GRXCR1: variants seen among roughly 807,000 people sequenced by gnomAD.
The protein encoded by GRXCR1 is glutaredoxin domain-containing cysteine-rich protein 1.
GRXCR1 carries 27 observed loss-of-function variants against 27.3 expected under a neutral mutation model. The ratio of observed to expected loss-of-function variants is 0.99; its 90% CI spans 0.73 to 1.37. The LOEUF is 1.37. GRXCR1 is among the 40% of genes most tolerant of loss of function. GRXCR1 has a pLI of 0.00. For synonymous variants in GRXCR1, 122 were observed against 131.1 expected (o/e 0.93, Z 0.47); for missense variants, 379 against 354.4 (o/e 1.07, Z -0.56).
chr4:42,949,553 C>G (rs1182447382), intron 1 of GRXCR1, among the ~76,000 whole-genome samples: 1 of 152,000 alleles, frequency 6.6e-6, no homozygotes, highest in African/African-American at 2.4e-5. Context: ...TGACATTAGT[C>G]CTGTCACATA....
At position 43,014,052 on chromosome 4, in the gene GRXCR1, T is replaced by A. The variant is rs529948960; in HGVS notation, c.628-6302T>A. Among the ~76,000 whole-genome samples, 412 of 104,886 alleles carry A rather than the reference T, an allele frequency of 3.9e-3. 4 individuals carry two copies. Among genetic ancestry groups the A allele is most frequent in the African/African-American group, 0.017 (387 of 23,018 alleles). 68.8% of individuals were successfully genotyped at this position (104,886 alleles called of 152,430 possible). On this transcript the variant is annotated intron_variant, in intron 2 of 3. Coordinates refer to ENST00000399770, the MANE Select transcript of GRXCR1 (RefSeq NM_001080476.3). ...CACCCAAAGGTCTGTATTACATAAT[T>A]GCAAAAAAAAAAAAAAAAAGTCAAC...
chr4:42,926,146 T>C (rs1747152736), intron 1 of GRXCR1, among the ~76,000 whole-genome samples: 1 of 152,072 alleles, frequency 6.6e-6, no homozygotes, highest in South Asian at 2.1e-4. Context: ...GTGGCTGCAC[T>C]ATGTTGTAGG....
chr4:42,997,478 C>A (rs6813505), intron 2 of GRXCR1, among the ~76,000 whole-genome samples: 58,214 of 151,968 alleles, frequency 0.38, 11,333 homozygotes, highest in African/African-American at 0.44. Flanking sequence ...TCTTCTGAGG[C>A]TTTAACATCT....
intron 2 of GRXCR1, among the ~76,000 whole-genome samples, chr4:43,018,853 C>T (rs115221505): frequency 1.3e-3 from 193 of 152,246 alleles, no homozygotes; most frequent in Middle Eastern, 3.4e-3. Context: ...CTTTCATTAC[C>T]TTTGTTCTTA....
At chr4:42,951,922 G>A (rs537693479) in intron 1 of GRXCR1, among the ~76,000 whole-genome samples, 4 of 152,150 alleles carry the variant, frequency 2.6e-5, no homozygotes, top group Non-Finnish European at 4.4e-5. Flanking sequence ...TGCAGTTAAC[G>A]TCTAGGCTCA....
intron 1 of GRXCR1, among the ~76,000 whole-genome samples, chr4:42,956,028 A>T (rs1747995636): frequency 6.6e-6 from 1 of 152,034 alleles, no homozygotes; most frequent in African/African-American, 2.4e-5. Context: ...GGGTGACTAA[A>T]GTACTCATTG....
chr4:42,973,524 CGTTTCTT>C (rs1748435824), intron 2 of GRXCR1, among the ~76,000 whole-genome samples: 1 of 151,574 alleles, frequency 6.6e-6, no homozygotes, highest in Non-Finnish European at 1.5e-5. Context: ...CTCCAGTATT[CGTTTCTT>C]ATTCCAATAC....
At chr4:43,006,731 T>C (rs1712570243) in intron 2 of GRXCR1, among the ~76,000 whole-genome samples, 1 of 152,224 alleles carries the variant, frequency 6.6e-6, no homozygotes, top group Admixed American at 6.5e-5. Context: ...TGTGATATTC[T>C]ATTACCTTGT....
chr4:42,909,137 T>G (rs1012972359), intron 1 of GRXCR1, among the ~76,000 whole-genome samples: 12 of 152,220 alleles, frequency 7.9e-5, no homozygotes, highest in Admixed American at 2.6e-4. Context: ...CTTAGCACCC[T>G]TTCCCCAGTA....
intron 1 of GRXCR1, among the ~76,000 whole-genome samples, chr4:42,895,200 T>TA (rs1491121613): frequency 3.9e-5 from 6 of 152,064 alleles, no homozygotes; most frequent in Non-Finnish European, 5.9e-5. Context: ...ATTTTAACAC[T>TA]AGATTAGTTT....
intron 2 of GRXCR1, among the ~76,000 whole-genome samples, chr4:43,015,120 C>T (rs1236890674): frequency 6.6e-6 from 1 of 152,116 alleles, no homozygotes; most frequent in Non-Finnish European, 1.5e-5. Flanking sequence ...CATAAAATCT[C>T]ATGCAAGGAC....
chr4:42,980,985 A>G (rs1270366787), intron 2 of GRXCR1, among the ~76,000 whole-genome samples: 2 of 150,702 alleles, frequency 1.3e-5, no homozygotes, highest in African/African-American at 2.4e-5. Context: ...CCATTCAGCT[A>G]CTGTATCTTT....
chr4:42,893,520 G>T lies in GRXCR1; in HGVS notation c.254G>T (p.Arg85Met). The change falls in exon 1 of 4, where the codon AGG becomes ATG. Residue 85 changes from arginine to methionine, a missense_variant. Coordinates refer to ENST00000399770, the MANE Select transcript of GRXCR1 (RefSeq NM_001080476.3). ...NDQDSLLVLA[R>M]AASEKGFGTR... The stretch of plus-strand genomic sequence containing the variant: ...CAGGATAGCTTGCTGGTGTTAGCAA[G>T]GGCTGCCAGTGAGAAGGGTTTTGGT... The T allele has an allele frequency of 3.7e-6, 6 of 1,613,874 alleles. No individual in the cohort carries two copies. The highest frequency in any genetic ancestry group is 5.1e-6 in the Non-Finnish European group (6 of 1,179,842).
chr4:42,898,909 T>G (rs1419413852), intron 1 of GRXCR1, among the ~76,000 whole-genome samples: 1 of 152,038 alleles, frequency 6.6e-6, no homozygotes, highest in Non-Finnish European at 1.5e-5. Context: ...TTCCAAATGA[T>G]GCGAGAAACT....
chr4:42,903,150 G>GTGAGAGCTTATGAGAACTGAAACAGAC (rs1577898607), intron 1 of GRXCR1, among the ~76,000 whole-genome samples: 2 of 149,590 alleles, frequency 1.3e-5, no homozygotes, highest in Admixed American at 6.8e-5. Context: ...TAAACAGCTG[G>GTGAGAGCTTATGAGAACTGAAACAGAC]CTTTATAGTA....
chr4:43,014,042 A>G (rs565535386), intron 2 of GRXCR1, among the ~76,000 whole-genome samples: 68 of 135,650 alleles, frequency 5.0e-4, no homozygotes, highest in Non-Finnish European at 9.0e-4. Context: ...AAAGGTCTGT[A>G]TTACATAATT....
At chr4:43,029,593 C>A (rs1713357649) in intron 3 of GRXCR1, among the ~76,000 whole-genome samples, 1 of 152,154 alleles carries the variant, frequency 6.6e-6, no homozygotes, top group Non-Finnish European at 1.5e-5. Flanking sequence ...AAGTATTACT[C>A]TCAACACACT....
intron 1 of GRXCR1, among the ~76,000 whole-genome samples, chr4:42,900,218 G>A (rs1746430794): frequency 6.6e-6 from 1 of 151,874 alleles, no homozygotes. Flanking sequence ...TGCCTGGAAG[G>A]GATTTACAAA....
At chr4:42,996,747 A>T (rs1712173786) in intron 2 of GRXCR1, among the ~76,000 whole-genome samples, 1 of 152,100 alleles carries the variant, frequency 6.6e-6, no homozygotes, top group East Asian at 1.9e-4. Flanking sequence ...AACATGCAAA[A>T]TTCCATCTAT....
Sources: allele counts gnomAD v4.1 joint callset (sites outside exome capture counted in the v4.1 genomes callset), GRCh38; gene constraint gnomAD v4.1.1; transcripts MANE v1.5; gene names NCBI Gene and HGNC (gene_info 2026-07-23, HGNC 2026-07-21).